Variants in SH3BP2 observed in about 807,000 individuals in gnomAD.
The protein encoded by SH3BP2 is SH3 domain binding protein 2, also known as SH3 domain-binding protein 2.
In SH3BP2, 38 loss-of-function variants were observed where a neutral mutation model predicts 56.2. The ratio of observed to expected loss-of-function variants is 0.68; its 90% CI spans 0.52 to 0.89. The LOEUF is 0.89. Ranked by LOEUF, SH3BP2 falls within the 40% of genes least tolerant of loss-of-function variation. The probability of loss-of-function intolerance (pLI) is 0.00; values close to 1 mark genes in which losing one functional copy is unlikely to be tolerated. For missense variants in SH3BP2, 748 were observed against 762.6 expected, an observed-to-expected ratio of 0.98 and a Z score of 0.23; for synonymous variants, 346 against 316.7, an observed-to-expected ratio of 1.09 and a Z score of -0.98.
At chr4:2,816,864 A>T (rs1188885177) in intron 1 of SH3BP2, among the ~76,000 whole-genome samples, 1 of 150,064 alleles carries the variant, frequency 6.7e-6, no homozygotes, top group African/African-American at 2.5e-5. Flanking sequence ...GTTTATGTCT[A>T]TACCCATAAG....
intron 1 of SH3BP2, among the ~76,000 whole-genome samples, chr4:2,805,038 C>T (rs1285968625): frequency 6.6e-6 from 1 of 152,236 alleles, no homozygotes; most frequent in African/African-American, 2.4e-5. Flanking sequence ...CCTCCTATCA[C>T]AAGAGGTGAC....
At position 2,825,160 on chromosome 4, in the gene SH3BP2, A is replaced by G. The variant is rs1304016250; in HGVS notation, c.392A>G (p.His131Arg). Reference sequence around the variant, plus strand: ...GCCTTGCTGCGCAGGGAGATTGGCCACTTCCACGAAAAGAAAGACCTGCCC... The same window carrying G: ...GCCTTGCTGCGCAGGGAGATTGGCCGCTTCCACGAAAAGAAAGACCTGCCC... ...WMALLRREIGHFHEKKDLPLD... is the reference protein window; with the variant it reads ...WMALLRREIGRFHEKKDLPLD... The change falls in exon 5 of 13, where the codon CAC becomes CGC. Residue 131 changes from histidine to arginine, a missense_variant. This residue lies in a region of SH3BP2 where 635 missense variants were observed against 615.0 expected (regional missense o/e 1.03). Coordinates refer to ENST00000503393, the MANE Select transcript of SH3BP2 (RefSeq NM_001122681.2). The G allele has an allele frequency of 6.3e-7, 1 of 1,583,432 alleles. No homozygotes were observed. The highest frequency in any genetic ancestry group is 8.6e-7 in the Non-Finnish European group (1 of 1,164,720).
chr4:2,808,775 C>T (rs1425798303), intron 1 of SH3BP2, among the ~76,000 whole-genome samples: 1 of 149,362 alleles, frequency 6.7e-6, no homozygotes, highest in African/African-American at 2.5e-5. Flanking sequence ...TGTGCCCACC[C>T]ACCCTCCTAG....
In SH3BP2 at chr4:2,793,149, G is replaced by GCGGCGGGTCT. The variant is rs1331468310; in HGVS notation, c.-5+25_-5+34dup. 4 of 150,538 alleles carry GCGGCGGGTCT rather than the reference G, an allele frequency of 2.7e-5. No homozygotes were observed. Among genetic ancestry groups the GCGGCGGGTCT allele is most frequent in the African/African-American group, 9.7e-5 (4 of 41,160 alleles). 9.3% of individuals were successfully genotyped at this position (150,538 alleles called of 1,614,324 possible). Reference sequence around the variant, plus strand: ...GAGAGCGCTCGGCGGGTAAGCCTCGGCGGCGGGTCTCGGCGGGTCTCGGGG... The same window carrying GCGGCGGGTCT: ...GAGAGCGCTCGGCGGGTAAGCCTCGGCGGCGGGTCTCGGCGGGTCTCGGCGGGTCTCGGGG... On this transcript the variant is annotated intron_variant, in intron 1 of 12. Coordinates refer to ENST00000503393, the MANE Select transcript of SH3BP2 (RefSeq NM_001122681.2).
rs762896248 is a variant in SH3BP2 at position 2,831,664 on chromosome 4, C to T, written c.1335C>T (p.Asp445=). 30 of 1,588,998 alleles carry T rather than the reference C, an allele frequency of 1.9e-5. 1 individual carries two copies. Among genetic ancestry groups the T allele is most frequent in the East Asian group, 1.4e-4 (6 of 43,420 alleles). ...CTGACACTGGCGGGGACGACTCGGA[C>T]GAGGACTATGAGAAGGCAAGGCTGA... ...SQADTGGDDS[D]EDYEKVPLPN... Residue 445 remains aspartate (D), a synonymous_variant, in exon 9 of 13, where the codon GAC becomes GAT. Coordinates refer to ENST00000503393, the MANE Select transcript of SH3BP2 (RefSeq NM_001122681.2). This position sits in a 1 kb window ranked among gnomAD's most constrained non-coding sequence, Gnocchi z 4.1.
At chr4:2,799,440 T>G (rs1176598741) in intron 1 of SH3BP2, 16 of 287,712 alleles carry the variant, frequency 5.6e-5, no homozygotes, top group Non-Finnish European at 7.3e-5. Flanking sequence ...GAGATCAACC[T>G]TCCCATTTTC....
chr4:2,809,600 T>C (rs1285907455), intron 1 of SH3BP2, among the ~76,000 whole-genome samples: 3 of 152,222 alleles, frequency 2.0e-5, no homozygotes, highest in African/African-American at 7.2e-5. Context: ...GCAACAGGAC[T>C]GTCCTCTTGG....
At chr4:2,806,787 C>T (rs760253876) in intron 1 of SH3BP2, among the ~76,000 whole-genome samples, 2 of 152,246 alleles carry the variant, frequency 1.3e-5, no homozygotes, top group Non-Finnish European at 2.9e-5. Flanking sequence ...TCTCAAGAAC[C>T]TTTCCTGGGG....
intron 1 of SH3BP2, chr4:2,818,446 T>C (rs1473907101): frequency 5.1e-6 from 5 of 978,154 alleles, no homozygotes; most frequent in Non-Finnish European, 6.4e-6. Context: ...AGCTTCCGGC[T>C]CTGGACCCCG....
chr4:2,800,233 C>A (rs890159614), intron 1 of SH3BP2, among the ~76,000 whole-genome samples: 2 of 152,116 alleles, frequency 1.3e-5, no homozygotes, highest in Admixed American at 1.3e-4. Flanking sequence ...GACTGACTGT[C>A]CCCGGCTCAG....
chr4:2,798,064 C>T (rs942579815), intron 1 of SH3BP2, among the ~76,000 whole-genome samples: 1 of 152,170 alleles, frequency 6.6e-6, no homozygotes, highest in East Asian at 1.9e-4. Flanking sequence ...CCTCCCTTCC[C>T]CCTGCGGGCT....
rs73189445 is a variant in SH3BP2, at chr4:2,834,468, C to A, written c.*634C>A. The A allele has an allele frequency of 0.27, 40,818 of 152,610 alleles. 6,150 individuals are homozygous for A. The highest frequency in any genetic ancestry group is 0.44 in the East Asian group (2,272 of 5,158). The allele number at this position is 152,610 out of a possible 1,614,324, so 9.5% of individuals were successfully genotyped here. On this transcript the variant is annotated 3_prime_UTR_variant, in exon 13 of 13. Transcript: ENST00000503393. ...GTGCACAGCGAGTAACAGATCAGGACCCAAACTTGGGCAGTCTGGGCTGGG... is the reference window on the plus strand; with the variant it reads ...GTGCACAGCGAGTAACAGATCAGGAACCAAACTTGGGCAGTCTGGGCTGGG...
chr4:2,798,529 G>A (rs28532194), intron 1 of SH3BP2: 31,798 of 152,222 alleles, frequency 0.21, 3,597 homozygotes, highest in African/African-American at 0.27. Flanking sequence ...TCTCGGAAAC[G>A]CCCCTCCCTG....
chr4:2,826,098 C>G (rs965310184), intron 5 of SH3BP2, among the ~76,000 whole-genome samples: 1 of 152,268 alleles, frequency 6.6e-6, no homozygotes, highest in African/African-American at 2.4e-5. Flanking sequence ...CGCCCAAGCC[C>G]TCTTGAGGCA....
intron 4 of SH3BP2, 69 bp downstream of exon 4, chr4:2,824,799 T>G (rs1009321936): frequency 4.1e-6 from 5 of 1,214,892 alleles, no homozygotes; most frequent in Non-Finnish European, 6.1e-6. Flanking sequence ...AGGCTGGACC[T>G]GCCTTGGGGG....
intron 1 of SH3BP2, among the ~76,000 whole-genome samples, chr4:2,815,676 A>G (rs940649361): frequency 2.0e-5 from 3 of 152,204 alleles, no homozygotes; most frequent in Non-Finnish European, 4.4e-5. Context: ...GCGGGGGCAC[A>G]GTGGGGTGTG....
intron 1 of SH3BP2, chr4:2,818,181 G>C (rs1376561373): frequency 1.0e-6 from 1 of 985,438 alleles, no homozygotes; most frequent in Admixed American, 6.1e-5. Context: ...GTCCCCCGCC[G>C]AGAGGGGAGG....
chr4:2,840,633 C>T lies in SH3BP2; in HGVS notation c.*6799C>T, dbSNP rs1189193492. ...GAGATCTGATAAAGTAAGTCTTTTC[C>T]ACCTTATTTTTCTTCTTTGAGAGTG... On this transcript the variant is annotated 3_prime_UTR_variant, in exon 13 of 13. Coordinates refer to ENST00000503393, the MANE Select transcript of SH3BP2 (RefSeq NM_001122681.2). 1.3e-5 allele frequency: 2 copies of T among 152,118 alleles called. No individual in the cohort carries two copies. The highest frequency in any genetic ancestry group is 2.9e-5 in the Non-Finnish European group (2 of 68,042). 9.4% of individuals were successfully genotyped at this position (152,118 alleles called of 1,614,324 possible).
chr4:2,818,366 C>T (rs1341986394), intron 1 of SH3BP2: 2 of 1,178,812 alleles, frequency 1.7e-6, no homozygotes, highest in Non-Finnish European at 2.1e-6. Flanking sequence ...CCGGGGAAGC[C>T]GGCCATGCCC....
Sources: gnomAD v4.1 joint callset for allele counts (sites outside exome capture counted in the v4.1 genomes callset) on GRCh38, gnomAD v4.1.1 for gene constraint, gnomAD v4.1.1 regional missense constraint, Gnocchi (gnomAD v3.1) non-coding constraint, MANE v1.5 for transcripts, NCBI Gene and HGNC (gene_info 2026-07-23, HGNC 2026-07-21) for gene names.